Variants in CHORDC1 observed in about 807,000 individuals in gnomAD.
The protein encoded by CHORDC1 is cysteine and histidine rich domain containing 1, also known as cysteine and histidine-rich domain-containing protein 1.
In CHORDC1, 25 loss-of-function variants were observed where a neutral mutation model predicts 48.3. The ratio of observed to expected loss-of-function variants is 0.52; its 90% CI spans 0.38 to 0.72. The LOEUF is 0.72. Ranked by LOEUF, CHORDC1 falls within the 30% of genes least tolerant of loss-of-function variation. The pLI is 0.00. For missense variants in CHORDC1, 317 were observed against 388.7 expected, an observed-to-expected ratio of 0.82 and a Z score of 1.55; for synonymous variants, 128 against 126.4, an observed-to-expected ratio of 1.01 and a Z score of -0.09.
intron 5 of CHORDC1, chr11:90,210,851 G>C: frequency 2.5e-6 from 1 of 395,590 alleles, no homozygotes; most frequent in Non-Finnish European, 4.5e-6. Flanking sequence ...AATAAATCAT[G>C]AAAGGGTGTT....
intron 1 of CHORDC1, among the ~76,000 whole-genome samples, chr11:90,221,866 A>C (rs566337861): frequency 1.1e-4 from 17 of 152,348 alleles, no homozygotes; most frequent in African/African-American, 3.8e-4. Flanking sequence ...AAGAGTTCAA[A>C]AGGCATCAGT....
intron 7 of CHORDC1, chr11:90,205,901 G>A (rs1857667646): frequency 2.1e-6 from 1 of 470,526 alleles, no homozygotes; most frequent in Non-Finnish European, 3.8e-6. Context: ...GCAATGTGTA[G>A]GACAGTCCTT....
In CHORDC1 at chr11:90,222,886, C is replaced by T. The variant is rs1272594618; in HGVS notation, c.64+5G>A. The T allele has an allele frequency of 5.6e-6, 9 of 1,613,834 alleles. No homozygotes were observed. Among genetic ancestry groups the T allele is most frequent in the Non-Finnish European group, 5.9e-6 (7 of 1,179,782 alleles). On this transcript the variant is annotated splice_donor_5th_base_variant and intron_variant, in intron 1 of 10. Coordinates refer to ENST00000320585, the MANE Select transcript of CHORDC1 (RefSeq NM_012124.3). ...GAGGGAGGGCTGGCGGCGCGTTCCT[C>T]TTACCGTCGGAATTGGTCTCAGGAT...
chr11:90,222,674 C>A, intron 1 of CHORDC1: 3 of 695,808 alleles, frequency 4.3e-6, no homozygotes, highest in Non-Finnish European at 7.9e-6. Flanking sequence ...TGGCAGAGGA[C>A]AGTCAGGCGC....
intron 1 of CHORDC1, among the ~76,000 whole-genome samples, chr11:90,221,770 A>C (rs1858178483): frequency 2.0e-5 from 3 of 152,138 alleles, no homozygotes; most frequent in African/African-American, 7.2e-5. Flanking sequence ...CTTTTCCTTA[A>C]AACTCTGTAT....
chr11:90,203,941 T>C (rs919004223), intron 8 of CHORDC1, among the ~76,000 whole-genome samples: 13 of 152,162 alleles, frequency 8.5e-5, no homozygotes, highest in Non-Finnish European at 1.6e-4. Flanking sequence ...AAATGATTTT[T>C]GGATTTTCTG....
chr11:90,211,706 T>C (rs1262692295), intron 4 of CHORDC1: 1 of 163,566 alleles, frequency 6.1e-6, no homozygotes, highest in East Asian at 1.9e-4. Context: ...AAACATGAAA[T>C]ATAAGTAAGT....
At chr11:90,208,670 T>G (rs1463395339) in intron 6 of CHORDC1, 7 of 152,180 alleles carry the variant, frequency 4.6e-5, no homozygotes, top group Admixed American at 3.9e-4. Flanking sequence ...AAAAAACATA[T>G]GTTGACTGAC....
In CHORDC1 at chr11:90,202,511, G is replaced by A; in HGVS notation, c.893C>T (p.Thr298Ile). The A allele has an allele frequency of 7.4e-6, 12 of 1,613,096 alleles. No homozygotes were observed. Among genetic ancestry groups the A allele is most frequent in the Non-Finnish European group, 8.5e-6 (10 of 1,179,522 alleles). ...TTTTCTCATAGTGATTTCAATCTTT[G>A]TTGCAGTCATAGTTACATAACTTCG... ...VKRSYVTMTA[T>I]KIEITMRKAE... The change falls in exon 11 of 11, where the codon ACA (threonine) becomes ATA (isoleucine). Residue 298 changes from threonine to isoleucine, a missense_variant. Thr to Ile is a moderately conservative substitution (Grantham distance 89, BLOSUM62 -1). Coordinates refer to ENST00000320585, the MANE Select transcript of CHORDC1 (RefSeq NM_012124.3).
Position 90,202,607 on chromosome 11 carries a change from G to A in CHORDC1, c.853-56C>T, listed in dbSNP as rs188650719. On this transcript the variant is annotated intron_variant, in intron 10 of 10. Transcript: ENST00000320585. ...CCTCAGTAGTTTTATTAGTCTCAGA[G>A]GAAAACATCAGACTTGCTTATGCCA... 5.3e-5 allele frequency: 84 copies of A among 1,573,144 alleles called. No homozygotes were observed. In the Admixed American group the frequency reaches 1.1e-3, roughly 20 times the overall value.
At chr11:90,214,398 C>A (rs1386853854) in intron 3 of CHORDC1, among the ~76,000 whole-genome samples, 1 of 152,020 alleles carries the variant, frequency 6.6e-6, no homozygotes, top group African/African-American at 2.4e-5. Flanking sequence ...TCATAAACAT[C>A]TACTTATTCT....
chr11:90,215,373 A>T, intron 2 of CHORDC1, 143 bp from the exon 3 acceptor site: 4 of 465,782 alleles, frequency 8.6e-6, no homozygotes, highest in Non-Finnish European at 1.6e-5. Context: ...CATATAATTC[A>T]CCTAATCAAG....
chr11:90,204,901 A>G (rs899344558), intron 8 of CHORDC1, among the ~76,000 whole-genome samples: 2 of 152,148 alleles, frequency 1.3e-5, no homozygotes, highest in East Asian at 3.9e-4. Flanking sequence ...ATAGCCCCCA[A>G]GTCTTTTTAA....
rs757052536 is a variant in CHORDC1, at chr11:90,206,836, T to C, written c.493-564A>G. The stretch of plus-strand genomic sequence containing the variant: ...CTACAGATGAATTCACAAAAAATTA[T>C]GTTAATAAAACATGGATGTAGCCAG... On this transcript the variant is annotated intron_variant, in intron 6 of 10. Coordinates refer to ENST00000320585, the MANE Select transcript of CHORDC1 (RefSeq NM_012124.3). The C allele has an allele frequency of 4.2e-4, 498 of 1,195,104 alleles. 2 individuals are homozygous for C. Among genetic ancestry groups the C allele is most frequent in the Admixed American group, 6.8e-4 (29 of 42,834 alleles). 74.0% of individuals were successfully genotyped at this position (1,195,104 alleles called of 1,614,324 possible). A position where few individuals can be genotyped will look rare whatever the true frequency, so the allele number is the denominator to read the frequency against.
chr11:90,222,991 C>G lies in CHORDC1; in HGVS notation c.-37G>C. 1 of 1,578,084 alleles carries G rather than the reference C, an allele frequency of 6.3e-7. No homozygotes were observed. The highest frequency in any genetic ancestry group is 8.7e-7 in the Non-Finnish European group (1 of 1,147,974). On this transcript the variant is annotated 5_prime_UTR_variant, in exon 1 of 11. Transcript: ENST00000320585. ...ACCGTCACAGGCAAGGCCCAAACAC[C>G]GGGAACGGCAAGAGGATGCGTTTGC...
At chr11:90,220,114 C>T (rs188646255) in intron 1 of CHORDC1, among the ~76,000 whole-genome samples, 2 of 152,178 alleles carry the variant, frequency 1.3e-5, no homozygotes, top group African/African-American at 4.8e-5. Context: ...TATTCTTCTT[C>T]CAATGTGGCC....
At chr11:90,219,972 G>A (rs529750429) in intron 1 of CHORDC1, among the ~76,000 whole-genome samples, 6 of 152,212 alleles carry the variant, frequency 3.9e-5, no homozygotes, top group South Asian at 2.1e-4. Flanking sequence ...CCAACATGCC[G>A]CCCCAGACAA....
intron 2 of CHORDC1, chr11:90,216,493 A>C: frequency 2.4e-6 from 1 of 409,636 alleles, no homozygotes; most frequent in Non-Finnish European, 4.8e-6. Context: ...GTATTGATGT[A>C]TACGCATTTT....
chr11:90,218,109 GA>G, intron 2 of CHORDC1, 25 bp downstream of exon 2: 2 of 1,493,740 alleles, frequency 1.3e-6, no homozygotes, highest in Non-Finnish European at 1.8e-6. Flanking sequence ...ACACAGATAT[GA>G]AAAAAATGAA....
Sources: gnomAD v4.1 joint callset for allele counts (sites outside exome capture counted in the v4.1 genomes callset) on GRCh38, gnomAD v4.1.1 for gene constraint, MANE v1.5 for transcripts, NCBI Gene and HGNC (gene_info 2026-07-23, HGNC 2026-07-21) for gene names.